The following WWOX variants were observed in gnomAD, a reference collection of about 807,000 sequenced individuals.
WWOX encodes WW domain-containing oxidoreductase.
A neutral mutation model predicts 46.2 loss-of-function variants in WWOX; 69 were observed. The ratio of observed to expected loss-of-function variants is 1.49; its 90% CI spans 1.23 to 1.82. WWOX has a LOEUF of 1.82. WWOX is among the 40% of genes most tolerant of loss of function. The probability of loss-of-function intolerance (pLI) is 0.00; values close to 1 mark genes in which losing one functional copy is unlikely to be tolerated. For synonymous variants in WWOX, 359 were observed against 202.6 expected, an observed-to-expected ratio of 1.77 and a Z score of -6.56; for missense variants, 919 against 542.6, an observed-to-expected ratio of 1.69 and a Z score of -6.89.
intron 8 of WWOX, among the ~76,000 whole-genome samples, chr16:78,676,202 A>G (rs1005343960): frequency 2.0e-5 from 3 of 151,546 alleles, no homozygotes; most frequent in East Asian, 2.0e-4. Context: ...TTCTATTTGG[A>G]TATAAAGCTA....
intron 8 of WWOX, among the ~76,000 whole-genome samples, chr16:79,152,673 G>C (rs79573651): frequency 8.0e-6 from 1 of 125,758 alleles, no homozygotes; most frequent in Non-Finnish European, 1.8e-5. Flanking sequence ...CCATCTCAAA[G>C]AAAAAAAAAA....
At chr16:78,584,616 A>T (rs914764179) in intron 8 of WWOX, among the ~76,000 whole-genome samples, 1 of 152,198 alleles carries the variant, frequency 6.6e-6, no homozygotes, top group South Asian at 2.1e-4. Context: ...AAGAAGACAG[A>T]CTGTTACCAG....
chr16:78,731,733 G>A (rs555344682), intron 8 of WWOX, among the ~76,000 whole-genome samples: 2 of 152,118 alleles, frequency 1.3e-5, no homozygotes, highest in African/African-American at 4.8e-5. Context: ...TAAGGCCAGG[G>A]TGCAGACTGG....
chr16:79,016,910 A>C (rs894117630), intron 8 of WWOX: 3 of 151,908 alleles, frequency 2.0e-5, no homozygotes, highest in African/African-American at 7.3e-5. Context: ...CCAAAATAGG[A>C]CCTGGGGTCG....
At chr16:78,721,299 T>TC (rs1266145082) in intron 8 of WWOX, among the ~76,000 whole-genome samples, 18 of 152,334 alleles carry the variant, frequency 1.2e-4, no homozygotes, top group African/African-American at 4.3e-4. Context: ...TTATTCTATT[T>TC]CCCCCTTTTC....
intron 8 of WWOX, among the ~76,000 whole-genome samples, chr16:78,467,193 G>A (rs1263676648): frequency 1.3e-5 from 2 of 152,136 alleles, no homozygotes; most frequent in African/African-American, 4.8e-5. Flanking sequence ...CAAAGAGGTA[G>A]GCTGGAAGTA....
intron 8 of WWOX, among the ~76,000 whole-genome samples, chr16:79,074,482 C>A (rs1350082391): frequency 8.6e-6 from 1 of 115,792 alleles, no homozygotes; most frequent in African/African-American, 3.3e-5. Context: ...GCTGACCCAT[C>A]AATGGGCAGT....
intron 8 of WWOX, among the ~76,000 whole-genome samples, chr16:78,472,666 A>T (rs2084252497): frequency 6.6e-6 from 1 of 151,844 alleles, no homozygotes; most frequent in Admixed American, 6.5e-5. Flanking sequence ...AAAATTAGCC[A>T]GGAATGGTGG....
chr16:78,691,349 CT>C (rs920160459), intron 8 of WWOX: 1 of 694,776 alleles, frequency 1.4e-6, no homozygotes, highest in Non-Finnish European at 2.6e-6. Context: ...ATAGCTTTAT[CT>C]TATGACAAAG....
At chr16:78,451,063 A>G (rs369997804) in intron 8 of WWOX, among the ~76,000 whole-genome samples, 10 of 152,164 alleles carry the variant, frequency 6.6e-5, no homozygotes, top group African/African-American at 2.2e-4. Flanking sequence ...CGTTATACTT[A>G]AGCTTGTTTA....
At position 78,333,043 on chromosome 16, in the gene WWOX, C is replaced by CTTTTTTTTTTTTT. The variant is rs11289222; in HGVS notation, c.517-53805_517-53793dup. 2.6e-3 allele frequency among the ~76,000 whole-genome samples: 149 copies of CTTTTTTTTTTTTT among 57,114 alleles called. 33 individuals carry two copies. The highest frequency in any genetic ancestry group is 4.6e-3 in the Admixed American group (20 of 4,360). The allele number at this position is 57,114 out of a possible 152,430, so 37.5% of individuals were successfully genotyped here. ...CTGAGTAGCATGGAAGAGCATTATA[C>CTTTTTTTTTTTTT]TTTTTTTTTTTTTTTTTTTTTTTTG... On this transcript the variant is annotated intron_variant, in intron 5 of 8. Coordinates refer to ENST00000566780, the MANE Select transcript of WWOX (RefSeq NM_016373.4).
At chr16:78,797,315 A>G (rs2050764392) in intron 8 of WWOX, among the ~76,000 whole-genome samples, 1 of 148,108 alleles carries the variant, frequency 6.8e-6, no homozygotes, top group South Asian at 2.1e-4. Flanking sequence ...GTATTGTATA[A>G]TCATGCAGGA....
chr16:78,195,168 C>T (rs772144543), intron 5 of WWOX, among the ~76,000 whole-genome samples: 1 of 152,152 alleles, frequency 6.6e-6, no homozygotes, highest in South Asian at 2.1e-4. Context: ...GAGCCCAGCC[C>T]TTCCACTTGT....
At chr16:78,403,081 T>C (rs2082450482) in intron 6 of WWOX, among the ~76,000 whole-genome samples, 1 of 152,252 alleles carries the variant, frequency 6.6e-6, no homozygotes, top group Non-Finnish European at 1.5e-5. Context: ...TACAGCTCCA[T>C]ATATCTCTAG....
intron 8 of WWOX, among the ~76,000 whole-genome samples, chr16:79,207,333 T>C (rs1000541041): frequency 6.6e-6 from 1 of 152,238 alleles, no homozygotes; most frequent in African/African-American, 2.4e-5. Context: ...GAGGTATGTG[T>C]CTTTCCTTTT....
At chr16:78,418,517 G>T (rs538762765) in intron 6 of WWOX, among the ~76,000 whole-genome samples, 1 of 152,056 alleles carries the variant, frequency 6.6e-6, no homozygotes, top group Non-Finnish European at 1.5e-5. Flanking sequence ...GGAAACTTTA[G>T]GTCACTTTCA....
intron 5 of WWOX, among the ~76,000 whole-genome samples, chr16:78,211,555 C>CCTGCTGCTG (rs753430190): frequency 2.0e-5 from 3 of 151,734 alleles, no homozygotes; most frequent in Admixed American, 6.6e-5. Context: ...TGCTGTTGCT[C>CCTGCTGCTG]CTGCTGCTGC....
At chr16:78,113,661 A>C (rs551213673) in intron 3 of WWOX, among the ~76,000 whole-genome samples, 18 of 152,322 alleles carry the variant, frequency 1.2e-4, no homozygotes, top group African/African-American at 4.3e-4. Flanking sequence ...TTGTTTCCAC[A>C]GTATAAATAC....
chr16:78,471,098 G>A (rs191640576), intron 8 of WWOX, among the ~76,000 whole-genome samples: 4 of 152,250 alleles, frequency 2.6e-5, no homozygotes, highest in Admixed American at 6.5e-5. Flanking sequence ...CAGCCTTAGC[G>A]GTTTTCTTGC....
Sources: gnomAD v4.1 joint callset for allele counts (sites outside exome capture counted in the v4.1 genomes callset) on GRCh38, gnomAD v4.1.1 for gene constraint, MANE v1.5 for transcripts, NCBI Gene and HGNC (gene_info 2026-07-23, HGNC 2026-07-21) for gene names.